SPEF2: variants seen among roughly 807,000 people sequenced by gnomAD.
SPEF2 encodes sperm flagellar and cilia associated 2.
Under a neutral mutation model 224.6 loss-of-function variants are expected in SPEF2, and 187 were observed. The ratio of observed to expected loss-of-function variants is 0.83; its 90% CI spans 0.74 to 0.94. SPEF2 has a LOEUF of 0.94. Among genes scored for constraint, SPEF2 ranks in the 40% least tolerant of loss-of-function variants. The pLI is 0.00. For synonymous variants in SPEF2, 715 were observed against 707.3 expected (o/e 1.01, Z -0.17); for missense variants, 2,170 against 2,135.6 (o/e 1.02, Z -0.32).
chr5:35,732,312 T>G (rs536993768), intron 21 of SPEF2, among the ~76,000 whole-genome samples: 3 of 152,186 alleles, frequency 2.0e-5, no homozygotes, highest in African/African-American at 7.2e-5. Context: ...CAACTCTTCA[T>G]GCACACAGTG....
intron 18 of SPEF2, among the ~76,000 whole-genome samples, chr5:35,708,588 C>T (rs74626425): frequency 1.5e-4 from 6 of 40,050 alleles, no homozygotes; most frequent in Admixed American, 1.3e-3. Context: ...CCATCACTAC[C>T]ACCATCCCCA....
intron 1 of SPEF2, among the ~76,000 whole-genome samples, chr5:35,622,147 G>C (rs1262838638): frequency 6.6e-6 from 1 of 151,934 alleles, no homozygotes; most frequent in Non-Finnish European, 1.5e-5. Context: ...TTGTTAATTG[G>C]GTTTGGGTTT....
At chr5:35,709,727 A>G (rs977964071) in intron 19 of SPEF2, 3 of 985,292 alleles carry the variant, frequency 3.0e-6, no homozygotes, top group African/African-American at 1.7e-5. Flanking sequence ...GCTATGGACC[A>G]TAAGTCTAGC....
rs527664357 is a variant in SPEF2 at position 35,810,398 on chromosome 5, A to G, written c.5379+3145A>G. Among the ~76,000 whole-genome samples, 388 of 152,178 alleles carry G rather than the reference A, an allele frequency of 2.5e-3. 1 individual carries two copies. Among genetic ancestry groups the G allele is most frequent in the African/African-American group, 8.9e-3 (370 of 41,524 alleles). ...AGCTAATTTTTTGTATTTTTAGTAG[A>G]GATGGGGCTTCACTATGTTGGCCAG... On this transcript the variant is annotated intron_variant, in intron 36 of 36. Transcript: ENST00000356031.
chr5:35,801,244 G>T (rs2149856235), intron 34 of SPEF2, among the ~76,000 whole-genome samples: 1 of 152,310 alleles, frequency 6.6e-6, no homozygotes, highest in East Asian at 1.9e-4. Context: ...GGCTGGGTGT[G>T]GTGGCTCCCA....
At chr5:35,783,561 T>C (rs765431913) in intron 30 of SPEF2, among the ~76,000 whole-genome samples, 6 of 152,246 alleles carry the variant, frequency 3.9e-5, no homozygotes, top group Non-Finnish European at 8.8e-5. Context: ...ACAATATTGA[T>C]ACAAAGTATT....
rs573560169 is a variant in SPEF2 at position 35,714,612 on chromosome 5, A to G, written c.2914+1726A>G. ...CTTAATATTACAATTACATGGCCTCAGTTCTGAAATGCAAGCTATTAAGTC... is the reference window on the plus strand; with the variant it reads ...CTTAATATTACAATTACATGGCCTCGGTTCTGAAATGCAAGCTATTAAGTC... On this transcript the variant is annotated intron_variant, in intron 20 of 36. Transcript: ENST00000356031. Among the ~76,000 whole-genome samples, 30 of 151,444 alleles carry G rather than the reference A, an allele frequency of 2.0e-4. 1 individual carries two copies. Among genetic ancestry groups the G allele is most frequent in the Non-Finnish European group, 2.9e-5 (2 of 67,844 alleles).
chr5:35,684,637 A>G (rs955955065), intron 10 of SPEF2, among the ~76,000 whole-genome samples: 1 of 152,226 alleles, frequency 6.6e-6, no homozygotes, highest in Non-Finnish European at 1.5e-5. Context: ...TCCTCACACA[A>G]GCATTATTTC....
chr5:35,686,645 A>G (rs1419300818), intron 10 of SPEF2, among the ~76,000 whole-genome samples: 2 of 152,086 alleles, frequency 1.3e-5, no homozygotes, highest in Non-Finnish European at 2.9e-5. Context: ...AATGAGAAGT[A>G]TGACTCAATC....
rs1748714556 is a variant in SPEF2, at chr5:35,747,408, G to T, written c.3331-6216G>T. 3.9e-5 allele frequency among the ~76,000 whole-genome samples: 6 copies of T among 152,146 alleles called. No homozygotes were observed. The South Asian group carries it at 1.2e-3, about 32-fold the overall frequency. ...AGATACAGAACTGCAGAATGGATAA[G>T]AACTCACCAACCAACTATCTGCTGC... On this transcript the variant is annotated intron_variant, in intron 23 of 36. Transcript: ENST00000356031.
intron 2 of SPEF2, among the ~76,000 whole-genome samples, chr5:35,632,150 T>C (rs1745222804): frequency 6.6e-6 from 1 of 152,186 alleles, no homozygotes; most frequent in African/African-American, 2.4e-5. Context: ...ATCTTTATAG[T>C]AGTACCCCAC....
At chr5:35,643,732 A>G (rs923765036) in intron 3 of SPEF2, 1 of 336,852 alleles carries the variant, frequency 3.0e-6, no homozygotes, top group Admixed American at 3.7e-5. Context: ...TTTATTAAAC[A>G]GCATGCCTAG....
chr5:35,679,372 G>C (rs1024377838), intron 10 of SPEF2, among the ~76,000 whole-genome samples: 1 of 152,144 alleles, frequency 6.6e-6, no homozygotes, highest in Non-Finnish European at 1.5e-5. Flanking sequence ...GCATGCCAAT[G>C]ATCAAAACTG....
chr5:35,788,055 CA>C (rs1561365040), intron 30 of SPEF2: 5 of 702,886 alleles, frequency 7.1e-6, no homozygotes, highest in Admixed American at 4.0e-5. Context: ...GGAGTGAAGT[CA>C]GGGGGAAGTC....
chr5:35,643,598 G>A (rs761596843), intron 3 of SPEF2: 18 of 454,246 alleles, frequency 4.0e-5, no homozygotes, highest in East Asian at 1.4e-4. Flanking sequence ...CTCTGGGGAC[G>A]GAAAGAGGAA....
intron 19 of SPEF2, chr5:35,709,521 A>G: frequency 1.0e-6 from 1 of 989,296 alleles, no homozygotes; most frequent in Non-Finnish European, 1.2e-6. Flanking sequence ...CTGGTTTTCC[A>G]CCAGAATAAG....
At chr5:35,699,183 G>C (rs1438000966) in intron 15 of SPEF2, 2 of 152,046 alleles carry the variant, frequency 1.3e-5, no homozygotes, top group Non-Finnish European at 2.9e-5. Context: ...TACACTATTG[G>C]AAGGATCACA....
chr5:35,731,981 G>A (rs1745714045), intron 21 of SPEF2, among the ~76,000 whole-genome samples: 1 of 152,158 alleles, frequency 6.6e-6, no homozygotes, highest in Non-Finnish European at 1.5e-5. Flanking sequence ...TTAAGAAAAG[G>A]CAGTGGGACT....
chr5:35,760,484 T>C (rs7380557), intron 25 of SPEF2, among the ~76,000 whole-genome samples: 135,572 of 152,176 alleles, frequency 0.89, 60,880 homozygotes, highest in South Asian at 0.99. Flanking sequence ...AGTCTTTTAC[T>C]GATAAAGACA....
Sources: gnomAD v4.1 joint callset for allele counts (sites outside exome capture counted in the v4.1 genomes callset) on GRCh38, gnomAD v4.1.1 for gene constraint, MANE v1.5 for transcripts, NCBI Gene and HGNC (gene_info 2026-07-23, HGNC 2026-07-21) for gene names.